ROBO2: variants seen among roughly 807,000 people sequenced by gnomAD.
ROBO2 encodes the protein roundabout guidance receptor 2, also known as roundabout homolog 2.
In ROBO2, 53 loss-of-function variants were observed where a neutral mutation model predicts 160.8. The observed-to-expected ratio is 0.33, with a 90% CI of 0.26 to 0.41. The LOEUF (loss-of-function observed/expected upper bound fraction) is 0.41, where lower values mean the gene tolerates loss of function less well. ROBO2 is among the 10% of genes least tolerant of loss of function. ROBO2 has a pLI of 1.00. For missense variants in ROBO2, 1,577 were observed against 1,722.4 expected (o/e 0.92, Z 1.49); for synonymous variants, 664 against 611.7 (o/e 1.09, Z -1.26).
intron 1 of ROBO2, among the ~76,000 whole-genome samples, chr3:75,932,102 G>C (rs1406932792): frequency 6.6e-6 from 1 of 152,068 alleles, no homozygotes; most frequent in Non-Finnish European, 1.5e-5. Context: ...TCACTTGAGA[G>C]GGTATCAGTG....
At chr3:76,192,941 T>A (rs919296806) in intron 2 of ROBO2, among the ~76,000 whole-genome samples, 1 of 152,190 alleles carries the variant, frequency 6.6e-6, no homozygotes, top group Admixed American at 6.6e-5. Context: ...ACCAGACTAT[T>A]GAACTGCTTT....
rs267115 is a variant in ROBO2, at chr3:76,728,817, A to G, written c.110-369197A>G. On this transcript the variant is annotated intron_variant, in intron 2 of 26. Transcript: ENST00000487694. ...TATCATTTACTGCTAAAAATGTGCC[A>G]GAGGGCATCTTGATAAAAACGTTTC... is the stretch of plus-strand genomic sequence containing the variant. Among the ~76,000 whole-genome samples, 1,180 of 152,342 alleles carry G rather than the reference A, an allele frequency of 7.7e-3. 7 individuals are homozygous for G. Among genetic ancestry groups the G allele is most frequent in the Middle Eastern group, 0.014 (4 of 294 alleles).
chr3:76,177,909 C>T (rs2073286577), intron 2 of ROBO2, among the ~76,000 whole-genome samples: 1 of 152,144 alleles, frequency 6.6e-6, no homozygotes, highest in South Asian at 2.1e-4. Context: ...TGTTTGCCAG[C>T]TATCCGAATT....
intron 2 of ROBO2, among the ~76,000 whole-genome samples, chr3:76,519,638 G>A (rs2081502026): frequency 6.6e-6 from 1 of 152,154 alleles, no homozygotes; most frequent in South Asian, 2.1e-4. Flanking sequence ...GTATACCCGG[G>A]GATTTGCATA....
At chr3:76,798,300 GAAAGAAAGAAAGAAA>G (rs1560581015) in intron 2 of ROBO2, among the ~76,000 whole-genome samples, 18 of 149,386 alleles carry the variant, frequency 1.2e-4, no homozygotes, top group African/African-American at 4.0e-4. Flanking sequence ...AAGAAAGAAA[GAAAGAAAGAAAGAAA>G]AAAGAACGAA....
At chr3:76,846,117 G>C (rs531671818) in intron 2 of ROBO2, among the ~76,000 whole-genome samples, 5 of 152,064 alleles carry the variant, frequency 3.3e-5, no homozygotes, top group African/African-American at 1.2e-4. Flanking sequence ...ATGCAGTACA[G>C]AACCCAAACC....
chr3:76,815,853 G>T (rs968953303), intron 2 of ROBO2, among the ~76,000 whole-genome samples: 1 of 151,912 alleles, frequency 6.6e-6, no homozygotes, highest in Non-Finnish European at 1.5e-5. Context: ...TCTCCTCAAG[G>T]CTGCACTTTT....
chr3:76,463,934 G>T (rs937488906), intron 2 of ROBO2, among the ~76,000 whole-genome samples: 4 of 152,124 alleles, frequency 2.6e-5, no homozygotes, highest in African/African-American at 9.7e-5. Flanking sequence ...ATAGCTGTTT[G>T]TTAATCCTTT....
chr3:77,157,787 TTATC>T (rs1300389475), intron 2 of ROBO2, among the ~76,000 whole-genome samples: 1 of 152,044 alleles, frequency 6.6e-6, no homozygotes, highest in African/African-American at 2.4e-5. Flanking sequence ...ATATTAGAGA[TTATC>T]TATATTTTAT....
chr3:76,734,937 T>C (rs1385641864), intron 2 of ROBO2, among the ~76,000 whole-genome samples: 1 of 152,198 alleles, frequency 6.6e-6, no homozygotes, highest in African/African-American at 2.4e-5. Flanking sequence ...ACATAAGTAG[T>C]AATGCAAATA....
At chr3:77,217,025 C>A (rs894811301) in intron 2 of ROBO2, among the ~76,000 whole-genome samples, 4 of 152,134 alleles carry the variant, frequency 2.6e-5, no homozygotes, top group African/African-American at 9.7e-5. Context: ...CAGGACAGAG[C>A]TTGTCAAGGG....
At chr3:77,444,260 A>G (rs1387570423) in intron 2 of ROBO2, among the ~76,000 whole-genome samples, 1 of 152,206 alleles carries the variant, frequency 6.6e-6, no homozygotes, top group East Asian at 1.9e-4. Flanking sequence ...ATAACCTCCT[A>G]TTTAATACAG....
chr3:76,272,711 ATATAT>A (rs1372987069), intron 2 of ROBO2, among the ~76,000 whole-genome samples: 1 of 122,014 alleles, frequency 8.2e-6, no homozygotes, highest in African/African-American at 3.1e-5. Context: ...TATATAAAAT[ATATAT>A]TATATACACA....
At chr3:76,824,907 A>C (rs2066431283) in intron 2 of ROBO2, among the ~76,000 whole-genome samples, 1 of 152,286 alleles carries the variant, frequency 6.6e-6, no homozygotes, top group East Asian at 1.9e-4. Context: ...GAGATGATGC[A>C]GCACAGTGCT....
intron 2 of ROBO2, among the ~76,000 whole-genome samples, chr3:76,951,947 C>T (rs2078982739): frequency 6.6e-6 from 1 of 152,190 alleles, no homozygotes; most frequent in South Asian, 2.1e-4. Flanking sequence ...CAGGGAGAGC[C>T]CTTCCCCAGC....
At chr3:76,552,190 T>C (rs890581014) in intron 2 of ROBO2, among the ~76,000 whole-genome samples, 4 of 152,226 alleles carry the variant, frequency 2.6e-5, no homozygotes, top group African/African-American at 7.2e-5. Flanking sequence ...ATTTAAAGTA[T>C]ACAGGAGGAT....
At chr3:77,380,930 CTT>C (rs1266571152) in intron 2 of ROBO2, among the ~76,000 whole-genome samples, 1 of 133,430 alleles carries the variant, frequency 7.5e-6, no homozygotes, top group Non-Finnish European at 1.7e-5. Flanking sequence ...GTTCCTTTCT[CTT>C]TCTCCCCGTG....
At chr3:75,942,335 A>G (rs2107089382) in intron 2 of ROBO2, among the ~76,000 whole-genome samples, 1 of 152,274 alleles carries the variant, frequency 6.6e-6, no homozygotes, top group African/African-American at 2.4e-5. Context: ...GACATTTGGC[A>G]ATGAATATTG....
intron 2 of ROBO2, among the ~76,000 whole-genome samples, chr3:76,292,431 T>G (rs1708848752): frequency 6.6e-6 from 1 of 152,222 alleles, no homozygotes; most frequent in African/African-American, 2.4e-5. Flanking sequence ...GCGTCTACGA[T>G]GAGTGAGTCT....
Sources: allele counts gnomAD v4.1 joint callset (sites outside exome capture counted in the v4.1 genomes callset), GRCh38; gene constraint gnomAD v4.1.1; transcripts MANE v1.5; gene names NCBI Gene and HGNC (gene_info 2026-07-23, HGNC 2026-07-21).